STAG1: variants seen among roughly 807,000 people sequenced by gnomAD.
STAG1 encodes cohesin subunit SA-1.
Under a neutral mutation model 170.9 loss-of-function variants are expected in STAG1, and 26 were observed. The ratio of observed to expected loss-of-function variants is 0.15; its 90% CI spans 0.11 to 0.21. The LOEUF is 0.21. STAG1 is among the 10% of genes least tolerant of loss of function. The pLI, the probability that STAG1 is intolerant of heterozygous loss-of-function variation, is 1.00. For missense variants in STAG1, 964 were observed against 1,509.5 expected (o/e 0.64, Z 5.99); for synonymous variants, 514 against 497.7 (o/e 1.03, Z -0.44).
At position 136,558,826 on chromosome 3, in the gene STAG1, A is replaced by ACTTTTGCCCT. The variant is rs1241590526; in HGVS notation, c.394+9938_394+9939insAGGGCAAAAG. ...TTAATATGTGCAAAAGATAGCTTTT[A>ACTTTTGCCCT]GTAACCACTGTCTACATTACCCAAA... On this transcript the variant is annotated intron_variant, in intron 5 of 33. Coordinates refer to ENST00000383202, the MANE Select transcript of STAG1 (RefSeq NM_005862.3). Among the ~76,000 whole-genome samples the ACTTTTGCCCT allele has an allele frequency of 2.9e-4, 44 of 152,364 alleles. 1 individual carries two copies. Among genetic ancestry groups the ACTTTTGCCCT allele is most frequent in the African/African-American group, 1.0e-3 (43 of 41,584 alleles).
chr3:136,518,827 G>A (rs1257212488), intron 7 of STAG1, among the ~76,000 whole-genome samples: 3 of 152,006 alleles, frequency 2.0e-5, no homozygotes, highest in Non-Finnish European at 2.9e-5. Context: ...AAGAACACAG[G>A]TGAAAACAAA....
chr3:136,340,815 A>T (rs919438024), intron 31 of STAG1, among the ~76,000 whole-genome samples: 13 of 152,236 alleles, frequency 8.5e-5, no homozygotes, highest in African/African-American at 3.1e-4. Flanking sequence ...AAGGAAGTAC[A>T]ATTCAATAAT....
intron 4 of STAG1, among the ~76,000 whole-genome samples, chr3:136,588,111 CA>C (rs1425825672): frequency 3.3e-5 from 5 of 152,284 alleles, no homozygotes; most frequent in Non-Finnish European, 7.4e-5. Flanking sequence ...ATTCTTAACA[CA>C]TTGTTCAACA....
At chr3:136,364,127 G>A (rs1298809856) in intron 25 of STAG1, among the ~76,000 whole-genome samples, 2 of 151,398 alleles carry the variant, frequency 1.3e-5, no homozygotes, top group Non-Finnish European at 2.9e-5. Flanking sequence ...CTGTTGCCCA[G>A]GCTGGAGTGC....
At chr3:136,376,994 G>A (rs938247591) in intron 23 of STAG1, among the ~76,000 whole-genome samples, 2 of 150,878 alleles carry the variant, frequency 1.3e-5, no homozygotes, top group Non-Finnish European at 3.0e-5. Flanking sequence ...GGGGTTGACA[G>A]TCTCGATCTC....
chr3:136,352,625 T>A (rs1490353784), intron 28 of STAG1, among the ~76,000 whole-genome samples: 1 of 152,210 alleles, frequency 6.6e-6, no homozygotes, highest in Non-Finnish European at 1.5e-5. Flanking sequence ...CTTATGATTT[T>A]TTTTTACTTT....
intron 4 of STAG1, among the ~76,000 whole-genome samples, chr3:136,602,685 T>A (rs1406901647): frequency 6.6e-6 from 1 of 151,938 alleles, no homozygotes; most frequent in Admixed American, 6.6e-5. Context: ...ACTCCATCTC[T>A]ACTAAAAATA....
chr3:136,616,248 G>A (rs1021970289), intron 3 of STAG1, among the ~76,000 whole-genome samples: 3 of 146,910 alleles, frequency 2.0e-5, no homozygotes, highest in Non-Finnish European at 3.0e-5. Flanking sequence ...CAGCCTGGGC[G>A]ACAGAGCAAG....
chr3:136,710,779 C>A, intron 1 of STAG1, among the ~76,000 whole-genome samples: 1 of 151,816 alleles, frequency 6.6e-6, no homozygotes, highest in Non-Finnish European at 1.5e-5. Flanking sequence ...ATGCCAAAGT[C>A]CCCCTACCAA....
chr3:136,714,625 G>A (rs1943470471), intron 1 of STAG1, among the ~76,000 whole-genome samples: 1 of 151,962 alleles, frequency 6.6e-6, no homozygotes, highest in Non-Finnish European at 1.5e-5. Context: ...CTACTTGGGA[G>A]GCTGAGGCAG....
At chr3:136,559,120 ACTACCTATCTATCTAT>A (rs1282699293) in intron 5 of STAG1, among the ~76,000 whole-genome samples, 2 of 108,480 alleles carry the variant, frequency 1.8e-5, no homozygotes, top group African/African-American at 7.0e-5. Context: ...ATAACACTGA[ACTACCTATCTATCTAT>A]CTATCTATCT....
In STAG1 at chr3:136,337,160, GACTTCTATGCAGCACAT is replaced by G. The variant is rs1560040151; in HGVS notation, c.*1077_*1093del. ...TTAGGAACTTCACCCTCTAAGCACA[GACTTCTATGCAGCACAT>G]ACTTCTATAATCAGTAAACTTAATT... On this transcript the variant is annotated 3_prime_UTR_variant, in exon 34 of 34. Transcript: ENST00000383202. 1 of 152,638 alleles carries G rather than the reference GACTTCTATGCAGCACAT, an allele frequency of 6.6e-6. No homozygotes were observed. Among genetic ancestry groups the G allele is most frequent in the Admixed American group, 6.5e-5 (1 of 15,276 alleles). 9.5% of individuals were successfully genotyped at this position (152,638 alleles called of 1,614,324 possible).
rs1186961270 is a variant in STAG1 at position 136,443,370 on chromosome 3, A to G, written c.1463T>C (p.Leu488Ser). ...CAACAGTTCTTGAGAGCTCTCCCAT[A>G]AACTGTCCACCAAGTAGGCTGCATG... is the stretch of plus-strand genomic sequence containing the variant. Reference protein sequence around the residue: ...HEHAAYLVDSLWESSQELLKD... With the variant: ...HEHAAYLVDSSWESSQELLKD... Residue 488 changes from leucine to serine, a missense_variant, in exon 15 of 34, where the codon TTA becomes TCA. Physicochemically the swap from Leu to Ser is moderately radical, Grantham distance 145. This residue lies in a region of STAG1 where 162 missense variants were observed against 211.2 expected (regional missense o/e 0.77). Transcript: ENST00000383202. 6.2e-7 allele frequency: 1 copy of G among 1,613,294 alleles called. No homozygotes were observed. Among genetic ancestry groups the G allele is most frequent in the South Asian group, 1.1e-5 (1 of 90,840 alleles).
intron 12 of STAG1, among the ~76,000 whole-genome samples, chr3:136,470,782 C>G (rs1010304893): frequency 8.5e-5 from 13 of 152,272 alleles, no homozygotes; most frequent in African/African-American, 2.4e-4. Flanking sequence ...GGCACCTATA[C>G]ACCATGGAAT....
At chr3:136,445,576 A>C (rs1190318725) in intron 14 of STAG1, among the ~76,000 whole-genome samples, 1 of 152,244 alleles carries the variant, frequency 6.6e-6, no homozygotes, top group African/African-American at 2.4e-5. Context: ...ACTTAATGCC[A>C]ATGAACTGTA....
intron 2 of STAG1, among the ~76,000 whole-genome samples, chr3:136,629,496 T>C (rs1243847905): frequency 2.0e-5 from 3 of 152,010 alleles, no homozygotes; most frequent in African/African-American, 7.2e-5. Context: ...TATATGTTCA[T>C]ATATTTATAT....
chr3:136,542,202 A>G lies in STAG1; in HGVS notation c.395-7T>C. 2 of 1,598,734 alleles carry G rather than the reference A, an allele frequency of 1.3e-6. No individual in the cohort carries two copies. Among genetic ancestry groups the G allele is most frequent in the Non-Finnish European group, 1.7e-6 (2 of 1,172,590 alleles). On this transcript the variant is annotated splice_polypyrimidine_tract_variant and splice_region_variant and intron_variant, in intron 5 of 33. Transcript: ENST00000383202. Reference sequence around the variant, plus strand: ...ATCTCTATTCTCACAGTACCTGTGGAACAACAGATTTTACATTAATCTTTC... The same window carrying G: ...ATCTCTATTCTCACAGTACCTGTGGGACAACAGATTTTACATTAATCTTTC...
At chr3:136,438,834 A>G (rs577020838) in intron 15 of STAG1, among the ~76,000 whole-genome samples, 3 of 152,242 alleles carry the variant, frequency 2.0e-5, no homozygotes, top group African/African-American at 7.2e-5. Flanking sequence ...CTTATTATTT[A>G]CAGCTACTTC....
chr3:136,632,254 T>C (rs962609694), intron 1 of STAG1, among the ~76,000 whole-genome samples: 1 of 152,034 alleles, frequency 6.6e-6, no homozygotes, highest in African/African-American at 2.4e-5. Context: ...AACACTTGGG[T>C]TGACAAAAAC....
Sources: allele counts gnomAD v4.1 joint callset (sites outside exome capture counted in the v4.1 genomes callset), GRCh38; gene constraint gnomAD v4.1.1; regional missense constraint gnomAD v4.1.1; transcripts MANE v1.5; gene names NCBI Gene and HGNC (gene_info 2026-07-23, HGNC 2026-07-21).